Variants in TMEM221 observed in about 807,000 individuals in gnomAD.
TMEM221 encodes the protein Putative transmembrane protein ENSP00000342162.
Under a neutral mutation model 10.2 loss-of-function variants are expected in TMEM221, and 11 were observed. That is an observed-to-expected ratio of 1.08 (90% CI 0.68 to 1.79). The LOEUF (loss-of-function observed/expected upper bound fraction) is 1.79. Among genes scored for constraint, TMEM221 ranks in the 40% most tolerant of loss-of-function variants. The pLI is 0.00. For synonymous variants in TMEM221, 172 were observed against 199.8 expected, an observed-to-expected ratio of 0.86 and a Z score of 1.18; for missense variants, 382 against 417.7, an observed-to-expected ratio of 0.91 and a Z score of 0.75.
In TMEM221 at chr19:17,445,209, G is replaced by C; in HGVS notation, c.396C>G (p.Val132=). ...ALGLFCCGIS[V]YLAALSIYAL... Reference sequence around the variant, plus strand: ...TATTCCAGCACACACCTGCTAAATAGACGGAGATCCCACAGCAGAAAAGGC... The same window carrying C: ...TATTCCAGCACACACCTGCTAAATACACGGAGATCCCACAGCAGAAAAGGC... Residue 132 remains valine, a synonymous_variant, in exon 2 of 3, where the codon GTC becomes GTG. Coordinates refer to ENST00000341130, the MANE Select transcript of TMEM221 (RefSeq NM_001190844.2). 6.5e-7 allele frequency: 1 copy of C among 1,535,796 alleles called. No individual in the cohort carries two copies. The highest frequency in any genetic ancestry group is 8.7e-7 in the Non-Finnish European group (1 of 1,146,680).
At chr19:17,444,904 C>T (rs2074947027) in intron 2 of TMEM221, 1 of 167,316 alleles carries the variant, frequency 6.0e-6, no homozygotes, top group African/African-American at 2.4e-5. Flanking sequence ...CTCAGTCTCC[C>T]ATATTGCTGG....
Position 17,448,053 on chromosome 19 carries a change from C to T in TMEM221, c.320+90G>A, listed in dbSNP as rs1324804476. 1.8e-6 allele frequency: 2 copies of T among 1,128,530 alleles called. No homozygotes were observed. The highest frequency in any genetic ancestry group is 1.6e-5 in the African/African-American group (1 of 61,394). The allele number at this position is 1,128,530 out of a possible 1,614,324, so 69.9% of individuals were successfully genotyped here. A position where few individuals can be genotyped will look rare whatever the true frequency, so the allele number is the denominator to read the frequency against. On this transcript the variant is annotated intron_variant, in intron 1 of 2. Transcript: ENST00000341130. This position sits in a 1 kb window ranked among gnomAD's most constrained non-coding sequence, Gnocchi z 4.7. ...GGAAGTGGGGAGGGAAGCTGTCCCC[C>T]CAGCCTGAGGCCAAAAGAGGGGAAG... is the stretch of plus-strand genomic sequence containing the variant.
Position 17,436,179 on chromosome 19 carries a change from T to G in TMEM221, c.*279A>C. ...AGCAAGGTATGGCCATTTCGCTCTG[T>G]TCTGGCCAGTGGGATATAAAAAGAA... On this transcript the variant is annotated 3_prime_UTR_variant, in exon 3 of 3. Transcript: ENST00000341130. 4.8e-5 allele frequency: 18 copies of G among 376,536 alleles called. No individual in the cohort carries two copies. The highest frequency in any genetic ancestry group is 5.3e-5 in the Non-Finnish European group (11 of 207,156). 23.3% of individuals were successfully genotyped at this position (376,536 alleles called of 1,614,324 possible).
chr19:17,446,579 C>T (rs1568399424), intron 1 of TMEM221, among the ~76,000 whole-genome samples: 1 of 152,104 alleles, frequency 6.6e-6, no homozygotes, highest in Non-Finnish European at 1.5e-5. Context: ...AGCACAGTGG[C>T]TAGAGGTGGT....
chr19:17,448,057 C>T lies in TMEM221; in HGVS notation c.320+86G>A, dbSNP rs2074959299. The T allele has an allele frequency of 8.7e-6, 10 of 1,150,316 alleles. No individual in the cohort carries two copies. The South Asian group carries it at 2.9e-4, about 33-fold the overall frequency. 71.3% of individuals were successfully genotyped at this position (1,150,316 alleles called of 1,614,324 possible). A position where few individuals can be genotyped will look rare whatever the true frequency, so the allele number is the denominator to read the frequency against. On this transcript the variant is annotated intron_variant, in intron 1 of 2. Transcript: ENST00000341130. This position sits in a 1 kb window ranked among gnomAD's most constrained non-coding sequence, Gnocchi z 4.7. ...GTGGGGAGGGAAGCTGTCCCCCCAGCCTGAGGCCAAAAGAGGGGAAGAGGC... is the reference window on the plus strand; with the variant it reads ...GTGGGGAGGGAAGCTGTCCCCCCAGTCTGAGGCCAAAAGAGGGGAAGAGGC...
At position 17,436,329 on chromosome 19, in the gene TMEM221, T is replaced by C; in HGVS notation, c.*129A>G. ...AATTATTTTGTGCCACGAGGCAACC[T>C]TGAGGACAAAAGCCAAGGATGCAAT... On this transcript the variant is annotated 3_prime_UTR_variant, in exon 3 of 3. Transcript: ENST00000341130. 1.0e-6 allele frequency: 1 copy of C among 954,100 alleles called. No individual in the cohort carries two copies. Among genetic ancestry groups the C allele is most frequent in the Non-Finnish European group, 1.5e-6 (1 of 679,336 alleles). 59.1% of individuals were successfully genotyped at this position (954,100 alleles called of 1,614,324 possible).
intron 2 of TMEM221, among the ~76,000 whole-genome samples, chr19:17,441,916 T>C (rs1013236896): frequency 1.3e-5 from 2 of 151,880 alleles, no homozygotes; most frequent in African/African-American, 4.8e-5. Context: ...GGATGATTGG[T>C]TGGATGTGCT....
chr19:17,438,211 C>T (rs146779370), intron 2 of TMEM221, among the ~76,000 whole-genome samples: 2,678 of 152,050 alleles, frequency 0.018, 83 homozygotes, highest in African/African-American at 0.06. Context: ...GCCTCAGCCT[C>T]CCAAGTAGCT....
intron 2 of TMEM221, among the ~76,000 whole-genome samples, chr19:17,444,547 A>G (rs1290733582): frequency 3.8e-5 from 4 of 104,426 alleles, no homozygotes; most frequent in Non-Finnish European, 5.4e-5. Context: ...TTAATGAGAT[A>G]GGGTCTCGCT....
At chr19:17,440,065 C>T (rs528168843) in intron 2 of TMEM221, among the ~76,000 whole-genome samples, 17 of 152,166 alleles carry the variant, frequency 1.1e-4, no homozygotes, top group Admixed American at 2.0e-4. Context: ...TGCTTGCCTA[C>T]GGTCCCAGCT....
At chr19:17,443,851 C>T (rs1412129912) in intron 2 of TMEM221, among the ~76,000 whole-genome samples, 1 of 152,012 alleles carries the variant, frequency 6.6e-6, no homozygotes, top group Non-Finnish European at 1.5e-5. Flanking sequence ...CGTTAGGAGT[C>T]TCTTGAAAGA....
In TMEM221 at chr19:17,445,333, G is replaced by C. The variant is rs377373087; in HGVS notation, c.321-49C>G. The C allele has an allele frequency of 4.6e-5, 68 of 1,469,520 alleles. No homozygotes were observed. The East Asian group carries it at 7.2e-4, about 15-fold the overall frequency. The allele number at this position is 1,469,520 out of a possible 1,614,324, so 91.0% of individuals were successfully genotyped here. ...ATAAAGGGTTCAGGAAGTGGAGCTGGTGGGGGGAGGTCAGTGAGGACAGGG... is the reference window on the plus strand; with the variant it reads ...ATAAAGGGTTCAGGAAGTGGAGCTGCTGGGGGGAGGTCAGTGAGGACAGGG... On this transcript the variant is annotated intron_variant, in intron 1 of 2. Transcript: ENST00000341130.
chr19:17,448,217 C>A lies in TMEM221; in HGVS notation c.246G>T (p.Gly82=). The change falls in exon 1 of 3, where the codon GGG becomes GGT. Residue 82 remains glycine (G), a synonymous_variant. Transcript: ENST00000341130. The surrounding 1 kb of genome is among the most constrained non-coding windows in gnomAD (Gnocchi z 4.7). ...AALAALVLVL[G]FTCLLLAALC... is the part of the protein sequence containing the mutation. ...GCGCGGCGAGCAGCAAGCAGGTGAA[C>A]CCCAGCACGAGCACCAGCGCGGCCA... 7.2e-7 allele frequency: 1 copy of A among 1,390,656 alleles called. No homozygotes were observed. The highest frequency in any genetic ancestry group is 3.1e-5 in the East Asian group (1 of 32,668). 86.1% of individuals were successfully genotyped at this position (1,390,656 alleles called of 1,614,324 possible).
At position 17,442,684 on chromosome 19, in the gene TMEM221, C is replaced by T. The variant is rs948355964; in HGVS notation, c.406+2515G>A. Among the ~76,000 whole-genome samples the T allele has an allele frequency of 4.0e-5, 6 of 151,696 alleles. No homozygotes were observed. The South Asian group carries it at 6.3e-4, about 16-fold the overall frequency. Reference sequence around the variant, plus strand: ...CAAACTCCACCTCAAGTGATCCACTCGCCTCGGCCTCCCAAAGTGCTGGGA... The same window carrying T: ...CAAACTCCACCTCAAGTGATCCACTTGCCTCGGCCTCCCAAAGTGCTGGGA... On this transcript the variant is annotated intron_variant, in intron 2 of 2. Transcript: ENST00000341130.
chr19:17,438,277 A>AG (rs2074917831), intron 2 of TMEM221, among the ~76,000 whole-genome samples: 1 of 151,908 alleles, frequency 6.6e-6, no homozygotes, highest in Non-Finnish European at 1.5e-5. Flanking sequence ...TAGTAGAGAC[A>AG]GGGTTTCACT....
At chr19:17,441,297 T>A (rs2074930957) in intron 2 of TMEM221, among the ~76,000 whole-genome samples, 1 of 151,860 alleles carries the variant, frequency 6.6e-6, no homozygotes, top group African/African-American at 2.4e-5. Context: ...TTGGCACCAT[T>A]CTTAGTGGTG....
chr19:17,436,794 G>A lies in TMEM221; in HGVS notation c.540C>T (p.Arg180=), dbSNP rs1037561136. 2.0e-6 allele frequency: 3 copies of A among 1,517,008 alleles called. No homozygotes were observed. Among genetic ancestry groups the A allele is most frequent in the Non-Finnish European group, 2.6e-6 (3 of 1,135,142 alleles). The allele number at this position is 1,517,008 out of a possible 1,614,324, so 94.0% of individuals were successfully genotyped here. Residue 180 remains arginine (R), a synonymous_variant, in exon 3 of 3, where the codon CGC becomes CGT. Transcript: ENST00000341130. The part of the protein sequence containing the change: ...HTLLRAARAA[R]RGLHELSPPS... ...GCGGGGACAACTCATGGAGCCCACG[G>A]CGGGCAGCCCGGGCAGCCCGGAGGA... is the stretch of plus-strand genomic sequence containing the variant.
At position 17,436,205 on chromosome 19, in the gene TMEM221, G is replaced by A; in HGVS notation, c.*253C>T. 4.3e-6 allele frequency: 2 copies of A among 467,306 alleles called. No homozygotes were observed. The highest frequency in any genetic ancestry group is 7.6e-6 in the Non-Finnish European group (2 of 264,176). The allele number at this position is 467,306 out of a possible 1,614,324, so 28.9% of individuals were successfully genotyped here. On this transcript the variant is annotated 3_prime_UTR_variant, in exon 3 of 3. Coordinates refer to ENST00000341130, the MANE Select transcript of TMEM221 (RefSeq NM_001190844.2). ...TCTGGCCAGTGGGATATAAAAAGAA[G>A]GGTTTCGAGGCTTCCTGGGAAGACT...
chr19:17,444,995 T>C, intron 2 of TMEM221: 1 of 440,250 alleles, frequency 2.3e-6, no homozygotes, highest in Non-Finnish European at 4.2e-6. Context: ...AGTGATTCTG[T>C]GAGGTAATGA....
Sources: allele counts gnomAD v4.1 joint callset (sites outside exome capture counted in the v4.1 genomes callset), GRCh38; gene constraint gnomAD v4.1.1; non-coding constraint Gnocchi (gnomAD v3.1); transcripts MANE v1.5; gene names NCBI Gene and HGNC (gene_info 2026-07-23, HGNC 2026-07-21).